Variants in AOPEP observed in about 807,000 individuals in gnomAD.
AOPEP encodes the protein aminopeptidase O (putative).
Under a neutral mutation model 98.1 loss-of-function variants are expected in AOPEP, and 77 were observed. The ratio of observed to expected loss-of-function variants is 0.78; its 90% CI spans 0.65 to 0.95. AOPEP has a LOEUF of 0.95. Among genes scored for constraint, AOPEP ranks in the 40% least tolerant of loss-of-function variants. The pLI, the probability that AOPEP is intolerant of heterozygous loss-of-function variation, is 0.00. For missense variants in AOPEP, 1,024 were observed against 1,024.7 expected (o/e 1.00, Z 0.01); for synonymous variants, 346 against 365.3 (o/e 0.95, Z 0.60).
rs750308013 is a variant in AOPEP at position 94,760,259 on chromosome 9, T to G, written c.476T>G (p.Val159Gly). Residue 159 changes from valine to glycine, a missense_variant, in exon 2 of 17, where the codon GTG (valine) becomes GGG (glycine). Physicochemically the swap from Val to Gly is moderately radical, Grantham distance 109 (BLOSUM62 -3). This residue lies in a region of AOPEP where 440 missense variants were observed against 433.8 expected (regional missense o/e 1.01). Coordinates refer to ENST00000375315, the MANE Select transcript of AOPEP (RefSeq NM_001193329.3). ...CDLSVLKVEE[V>G]DVAAVPGLEK... ...TTATCTGTGTTAAAAGTCGAGGAGG[T>G]GGATGTTGCTGCTGTGCCAGGTCTG... is the stretch of plus-strand genomic sequence containing the variant. 4 of 1,614,076 alleles carry G rather than the reference T, an allele frequency of 2.5e-6. No homozygotes were observed. Among genetic ancestry groups the G allele is most frequent in the South Asian group, 1.1e-5 (1 of 91,070 alleles).
Position 94,800,963 on chromosome 9 carries a change from T to G in AOPEP, c.1325T>G (p.Leu442Arg). ...CACCCGTTCTCTCGGCTGGATGTTC[T>G]CATCGTCCCTGCCAACTTTCCAAGT... is the stretch of plus-strand genomic sequence containing the variant. Reference protein sequence around the residue: ...GAHPFSRLDVLIVPANFPSLG... With the variant: ...GAHPFSRLDVRIVPANFPSLG... The change falls in exon 5 of 17, where the codon CTC becomes CGC. Residue 442 changes from leucine to arginine, a missense_variant. Coordinates refer to ENST00000375315, the MANE Select transcript of AOPEP (RefSeq NM_001193329.3). 6.2e-7 allele frequency: 1 copy of G among 1,614,246 alleles called. No homozygotes were observed. Among genetic ancestry groups the G allele is most frequent in the Non-Finnish European group, 8.5e-7 (1 of 1,180,040 alleles).
chr9:94,728,271 A>ACC (rs1564021572), intron 1 of AOPEP, among the ~76,000 whole-genome samples: 1 of 151,326 alleles, frequency 6.6e-6, no homozygotes. Context: ...ACACACACAC[A>ACC]CCATCCTTAT....
At chr9:94,960,992 C>A (rs1047100516) in intron 9 of AOPEP, among the ~76,000 whole-genome samples, 1 of 141,744 alleles carries the variant, frequency 7.1e-6, no homozygotes, top group East Asian at 2.0e-4. Flanking sequence ...CCGGCCTGGG[C>A]GACAGAGCGA....
At chr9:95,041,786 G>A (rs918953798) in intron 13 of AOPEP, among the ~76,000 whole-genome samples, 21 of 151,848 alleles carry the variant, frequency 1.4e-4, no homozygotes, top group East Asian at 3.9e-4. Context: ...CTCGGCCTCC[G>A]TGGCGCTATA....
At chr9:94,803,905 A>C (rs557534016) in intron 5 of AOPEP, among the ~76,000 whole-genome samples, 1 of 152,294 alleles carries the variant, frequency 6.6e-6, no homozygotes, top group African/African-American at 2.4e-5. Context: ...CCTTCCATGA[A>C]GACTGAATCT....
intron 5 of AOPEP, among the ~76,000 whole-genome samples, chr9:94,903,236 A>G (rs370217397): frequency 6.6e-6 from 1 of 150,920 alleles, no homozygotes; most frequent in Non-Finnish European, 1.5e-5. Context: ...ACCTACCTCA[A>G]CCTCCCAAAG....
the AOPEP span, among the ~76,000 whole-genome samples, chr9:95,135,901 C>T: frequency 1.3e-5 from 2 of 152,176 alleles, no homozygotes; most frequent in African/African-American, 2.4e-5. Context: ...ACCTGGGTTT[C>T]GGTCCCAGCG....
intron 5 of AOPEP, among the ~76,000 whole-genome samples, chr9:94,907,507 T>G (rs2051332218): frequency 6.6e-6 from 1 of 152,004 alleles, no homozygotes; most frequent in Non-Finnish European, 1.5e-5. Context: ...GAGTCATGCA[T>G]CAGGTTGTTT....
chr9:94,968,252 T>A (rs2059327920), intron 10 of AOPEP, among the ~76,000 whole-genome samples: 1 of 152,152 alleles, frequency 6.6e-6, no homozygotes, highest in Non-Finnish European at 1.5e-5. Flanking sequence ...CTGCCACTTC[T>A]TTTGTTTGTT....
At chr9:94,968,899 T>C (rs2059367125) in intron 10 of AOPEP, among the ~76,000 whole-genome samples, 1 of 152,210 alleles carries the variant, frequency 6.6e-6, no homozygotes. Flanking sequence ...GTGATTATTA[T>C]AAGCCAACAC....
chr9:95,077,577 T>C (rs1047981942), intron 14 of AOPEP, among the ~76,000 whole-genome samples: 2 of 152,192 alleles, frequency 1.3e-5, no homozygotes, highest in Admixed American at 6.5e-5. Context: ...AGCAGACCTC[T>C]AGACTGGACA....
At chr9:95,107,606 G>GAC in the AOPEP span, 3 of 427,492 alleles carry the variant, frequency 7.0e-6, no homozygotes, top group Non-Finnish European at 1.3e-5. Flanking sequence ...GCTCCTTGAA[G>GAC]ACTCGCCTAT....
At chr9:94,913,364 C>T (rs1374886127) in intron 5 of AOPEP, among the ~76,000 whole-genome samples, 1 of 152,156 alleles carries the variant, frequency 6.6e-6, no homozygotes, top group African/African-American at 2.4e-5. Context: ...GAGGGACATG[C>T]TGTTAAGTTG....
At chr9:94,789,537 T>C (rs1845183561) in intron 3 of AOPEP, among the ~76,000 whole-genome samples, 1 of 152,182 alleles carries the variant, frequency 6.6e-6, no homozygotes, top group Admixed American at 6.5e-5. Context: ...ATCTGCACGC[T>C]CCTTTCTGCC....
chr9:94,886,114 A>G (rs985589163), intron 5 of AOPEP, among the ~76,000 whole-genome samples: 5 of 152,186 alleles, frequency 3.3e-5, no homozygotes, highest in Admixed American at 2.0e-4. Context: ...TTTGTGGACA[A>G]TGGAGAGGTC....
intron 2 of AOPEP, among the ~76,000 whole-genome samples, chr9:94,762,236 A>G (rs1838482154): frequency 6.6e-6 from 1 of 152,156 alleles, no homozygotes; most frequent in Non-Finnish European, 1.5e-5. Flanking sequence ...TCACAAGGTC[A>G]GGAGATCGAG....
the AOPEP span, chr9:95,110,748 T>G: frequency 9.1e-7 from 1 of 1,099,420 alleles, no homozygotes; most frequent in Non-Finnish European, 1.1e-6. Flanking sequence ...CATAGAGCAC[T>G]GGCAGTTGAA....
At chr9:94,769,013 C>T (rs1215964121) in intron 2 of AOPEP, among the ~76,000 whole-genome samples, 2 of 152,232 alleles carry the variant, frequency 1.3e-5, no homozygotes, top group African/African-American at 4.8e-5. Context: ...ATAGATTTTC[C>T]TGCCTTCTGT....
intron 1 of AOPEP, among the ~76,000 whole-genome samples, chr9:94,758,423 G>A (rs906693338): frequency 2.0e-5 from 3 of 152,328 alleles, no homozygotes; most frequent in African/African-American, 7.2e-5. Context: ...TCTGTGGAGA[G>A]AGGTAGAAAC....
Sources: allele counts gnomAD v4.1 joint callset (sites outside exome capture counted in the v4.1 genomes callset), GRCh38; gene constraint gnomAD v4.1.1; regional missense constraint gnomAD v4.1.1; transcripts MANE v1.5; gene names NCBI Gene and HGNC (gene_info 2026-07-23, HGNC 2026-07-21).